DRAM1: variants seen among roughly 807,000 people sequenced by gnomAD.
DRAM1 encodes DNA damage regulated autophagy modulator 1, also known as DNA damage-regulated autophagy modulator protein 1.
DRAM1 carries 25 observed loss-of-function variants against 28.5 expected under a neutral mutation model. That is an observed-to-expected ratio of 0.88 (90% CI 0.64 to 1.23). DRAM1 has a LOEUF of 1.23. Ranked by LOEUF, DRAM1 falls within the 50% of genes most tolerant of loss-of-function variation. The probability of loss-of-function intolerance (pLI) is 0.00; values close to 1 mark genes in which losing one functional copy is unlikely to be tolerated. For synonymous variants in DRAM1, 113 were observed against 114.2 expected (o/e 0.99, Z 0.07); for missense variants, 249 against 299.2 (o/e 0.83, Z 1.24).
chr12:101,890,598 T>A (rs572636798), intron 1 of DRAM1, among the ~76,000 whole-genome samples: 1 of 152,354 alleles, frequency 6.6e-6, no homozygotes, highest in Admixed American at 6.5e-5. Flanking sequence ...AAAAACATGT[T>A]GTATGTGTGA....
chr12:101,915,563 A>G (rs778171118), intron 5 of DRAM1, among the ~76,000 whole-genome samples: 1 of 145,436 alleles, frequency 6.9e-6, no homozygotes, highest in Non-Finnish European at 1.5e-5. Flanking sequence ...TTTTTTTGAG[A>G]CGGAGTTTCG....
At chr12:101,895,119 A>C in intron 1 of DRAM1, among the ~76,000 whole-genome samples, 1 of 150,272 alleles carries the variant, frequency 6.7e-6, no homozygotes, top group African/African-American at 2.5e-5. Context: ...CTCCACCTCA[A>C]CATTCCTGTA....
At chr12:101,886,951 G>A (rs528706322) in intron 1 of DRAM1, among the ~76,000 whole-genome samples, 4 of 152,044 alleles carry the variant, frequency 2.6e-5, no homozygotes, top group Admixed American at 6.6e-5. Flanking sequence ...TTCAATACCA[G>A]CCTGGCCAAC....
intron 1 of DRAM1, among the ~76,000 whole-genome samples, chr12:101,878,322 A>G (rs529982335): frequency 2.0e-5 from 3 of 152,306 alleles, no homozygotes; most frequent in South Asian, 4.1e-4. Context: ...CTGCATCCCA[A>G]CATCCCTTGA....
chr12:101,915,991 T>C (rs1026704071), intron 5 of DRAM1, among the ~76,000 whole-genome samples: 1 of 152,206 alleles, frequency 6.6e-6, no homozygotes, highest in African/African-American at 2.4e-5. Context: ...CTAGTTCACG[T>C]TTCAAATAGG....
intron 5 of DRAM1, among the ~76,000 whole-genome samples, chr12:101,918,545 G>A (rs889553118): frequency 2.6e-5 from 4 of 152,170 alleles, no homozygotes; most frequent in East Asian, 1.9e-4. Context: ...GAAGAGTGAC[G>A]CTCGGAGGGC....
At chr12:101,906,652 G>A (rs1214188586) in intron 3 of DRAM1, among the ~76,000 whole-genome samples, 2 of 151,916 alleles carry the variant, frequency 1.3e-5, no homozygotes, top group Admixed American at 6.6e-5. Context: ...TCATAAGTTC[G>A]AGACCAGCCT....
chr12:101,895,552 C>G (rs891016790), intron 1 of DRAM1, among the ~76,000 whole-genome samples: 2 of 131,968 alleles, frequency 1.5e-5, no homozygotes, highest in Non-Finnish European at 3.2e-5. Context: ...AAGGCATTTG[C>G]TGTAAGGGAG....
At chr12:101,891,182 T>C (rs4764830) in intron 1 of DRAM1, among the ~76,000 whole-genome samples, 96,853 of 151,972 alleles carry the variant, frequency 0.64, 32,479 homozygotes, top group East Asian at 0.91. Flanking sequence ...TATATTTAAA[T>C]ATTATAAAGA....
chr12:101,915,973 C>A (rs1295465911), intron 5 of DRAM1, among the ~76,000 whole-genome samples: 3 of 152,176 alleles, frequency 2.0e-5, no homozygotes, highest in Non-Finnish European at 4.4e-5. Flanking sequence ...AAGGAGAAGG[C>A]AGTTCTACTA....
chr12:101,906,873 AG>A lies in DRAM1; in HGVS notation c.343-1312del, dbSNP rs770358211. On this transcript the variant is annotated intron_variant, in intron 3 of 6. Transcript: ENST00000258534. ...CTGCCTCAAAAAAAAAAAAAAAAAA[AG>A]AAAAGAAAAGAAAAGAAGGGAGCCA... Among the ~76,000 whole-genome samples, 406 of 144,230 alleles carry A rather than the reference AG, an allele frequency of 2.8e-3. 4 individuals carry two copies. Among genetic ancestry groups the A allele is most frequent in the Non-Finnish European group, 4.8e-3 (319 of 66,938 alleles). The allele number at this position is 144,230 out of a possible 152,430, so 94.6% of individuals were successfully genotyped here.
intron 3 of DRAM1, among the ~76,000 whole-genome samples, chr12:101,905,955 A>T (rs1266996361): frequency 6.6e-6 from 1 of 151,504 alleles, no homozygotes. Context: ...ACGCCTGGCT[A>T]GTTTTTGTAT....
chr12:101,900,180 C>G (rs1873543110), intron 2 of DRAM1, among the ~76,000 whole-genome samples: 1 of 152,176 alleles, frequency 6.6e-6, no homozygotes, highest in African/African-American at 2.4e-5. Context: ...AATTGACTAG[C>G]TATTTGGAAA....
At chr12:101,892,755 CT>C (rs1427700325) in intron 1 of DRAM1, among the ~76,000 whole-genome samples, 1 of 151,868 alleles carries the variant, frequency 6.6e-6, no homozygotes, top group African/African-American at 2.4e-5. Flanking sequence ...ATTTCCTCAC[CT>C]CTTTGAATTC....
At chr12:101,892,402 ATTTTT>A (rs748326902) in intron 1 of DRAM1, among the ~76,000 whole-genome samples, 10 of 82,704 alleles carry the variant, frequency 1.2e-4, no homozygotes, top group African/African-American at 6.3e-4. Context: ...TGCCAGGCTA[ATTTTT>A]TTTTTTTTTT....
intron 1 of DRAM1, among the ~76,000 whole-genome samples, chr12:101,883,705 A>G (rs1872773381): frequency 6.6e-6 from 1 of 151,704 alleles, no homozygotes; most frequent in East Asian, 1.9e-4. Flanking sequence ...TGGGAGGCCA[A>G]AGCAGGCGGA....
At chr12:101,918,748 A>G (rs12305145) in intron 5 of DRAM1, among the ~76,000 whole-genome samples, 86,367 of 151,724 alleles carry the variant, frequency 0.57, 26,672 homozygotes, top group African/African-American at 0.81. Context: ...CAGCTTCAGA[A>G]GGCATGGGGG....
rs1872781347 is a variant in DRAM1 at position 101,883,925 on chromosome 12, CTCTT to C, written c.131+6009_131+6012del. Among the ~76,000 whole-genome samples, 3 of 135,256 alleles carry C rather than the reference CTCTT, an allele frequency of 2.2e-5. No individual in the cohort carries two copies. The South Asian group carries it at 6.7e-4, about 30-fold the overall frequency. The allele number at this position is 135,256 out of a possible 152,430, so 88.7% of individuals were successfully genotyped here. A position where few individuals can be genotyped will look rare whatever the true frequency, so the allele number is the denominator to read the frequency against. ...ACTCCAGCCTGGTGATAGAGCGAGACTCTTTCTCAAAAAAAAAAAAAATAAATAA... is the reference window on the plus strand; with the variant it reads ...ACTCCAGCCTGGTGATAGAGCGAGACTCTCAAAAAAAAAAAAAATAAATAA... On this transcript the variant is annotated intron_variant, in intron 1 of 6. Coordinates refer to ENST00000258534, the MANE Select transcript of DRAM1 (RefSeq NM_018370.3).
At chr12:101,913,780 A>G (rs189721972) in intron 4 of DRAM1, among the ~76,000 whole-genome samples, 154 of 151,822 alleles carry the variant, frequency 1.0e-3, no homozygotes, top group African/African-American at 3.4e-3. Flanking sequence ...AGTGGGAAGT[A>G]TTCAAAAAGA....
Sources: gnomAD v4.1 joint callset for allele counts (sites outside exome capture counted in the v4.1 genomes callset) on GRCh38, gnomAD v4.1.1 for gene constraint, MANE v1.5 for transcripts, NCBI Gene and HGNC (gene_info 2026-07-23, HGNC 2026-07-21) for gene names.